Variants in CD163L1 observed in about 807,000 individuals in gnomAD.
CD163L1 encodes the protein scavenger receptor cysteine-rich type 1 protein M160.
In CD163L1, 124 loss-of-function variants were observed where a neutral mutation model predicts 165.4. That is an observed-to-expected ratio of 0.75 (90% CI 0.65 to 0.87). The LOEUF (loss-of-function observed/expected upper bound fraction) is 0.87, where lower values mean the gene tolerates loss of function less well. Among genes scored for constraint, CD163L1 ranks in the 40% least tolerant of loss-of-function variants. The probability of loss-of-function intolerance (pLI) is 0.00; values close to 1 mark genes in which losing one functional copy is unlikely to be tolerated. For missense variants in CD163L1, 1,525 were observed against 1,799.9 expected, an observed-to-expected ratio of 0.85 and a Z score of 2.76; for synonymous variants, 585 against 662.2, an observed-to-expected ratio of 0.88 and a Z score of 1.79.
chr12:7,318,810 C>T, the CD163L1 span, among the ~76,000 whole-genome samples: 3 of 152,246 alleles, frequency 2.0e-5, no homozygotes, highest in Non-Finnish European at 4.4e-5. Context: ...TAACAAAATA[C>T]ATATTATTAC....
chr12:7,440,247 C>G (rs1385406861), intron 2 of CD163L1, among the ~76,000 whole-genome samples: 1 of 151,978 alleles, frequency 6.6e-6, no homozygotes, highest in Non-Finnish European at 1.5e-5. Context: ...GCCCTGGAGG[C>G]GGCCCCGCGA....
intron 4 of CD163L1, among the ~76,000 whole-genome samples, chr12:7,421,377 A>C (rs1168621618): frequency 2.0e-5 from 2 of 99,378 alleles, no homozygotes; most frequent in South Asian, 3.6e-4. Context: ...GTATATATAC[A>C]TTTGGAAGAT....
the CD163L1 span, among the ~76,000 whole-genome samples, chr12:7,339,799 T>C: frequency 6.6e-6 from 1 of 152,170 alleles, no homozygotes; most frequent in Admixed American, 6.6e-5. Context: ...GCCTCTTATG[T>C]GACTCAGTGA....
intron 4 of CD163L1, among the ~76,000 whole-genome samples, chr12:7,421,009 A>G (rs1328001365): frequency 1.9e-5 from 2 of 106,078 alleles, no homozygotes; most frequent in Non-Finnish European, 3.5e-5. Flanking sequence ...ATATATATAT[A>G]CGTGTATATA....
chr12:7,337,310 T>C, the CD163L1 span, among the ~76,000 whole-genome samples: 1 of 152,154 alleles, frequency 6.6e-6, no homozygotes, highest in East Asian at 1.9e-4. Flanking sequence ...AAAGCCAAAA[T>C]TGACAAATGG....
At chr12:7,339,323 ACT>A in the CD163L1 span, among the ~76,000 whole-genome samples, 3 of 152,146 alleles carry the variant, frequency 2.0e-5, no homozygotes, top group Non-Finnish European at 4.4e-5. Context: ...GATATGGGAC[ACT>A]GTTTGGAATC....
chr12:7,440,120 C>T, intron 2 of CD163L1: 1 of 747,468 alleles, frequency 1.3e-6, no homozygotes, highest in East Asian at 2.7e-5. Flanking sequence ...CTTGGACCCG[C>T]CGCGCCAGCG....
In CD163L1 at chr12:7,417,825, T is replaced by A. The variant is rs143305435; in HGVS notation, c.767-10973A>T. ...TGGATTTAGTTTGCCGGTATTTTAT[T>A]GAGGATTTTCACATCGATGTTCATC... On this transcript the variant is annotated intron_variant, in intron 4 of 19. Coordinates refer to ENST00000313599, the MANE Select transcript of CD163L1 (RefSeq NM_174941.6). 8.0e-3 allele frequency among the ~76,000 whole-genome samples: 1,221 copies of A among 152,220 alleles called. 14 individuals carry two copies. The highest frequency in any genetic ancestry group is 0.028 in the African/African-American group (1,148 of 41,538).
rs534073947 is a variant in CD163L1 at position 7,364,357 on chromosome 12, C to T, written c.4279+2879G>A. Among the ~76,000 whole-genome samples, 16 of 151,918 alleles carry T rather than the reference C, an allele frequency of 1.1e-4. 1 individual carries two copies. Among genetic ancestry groups the T allele is most frequent in the Admixed American group, 2.0e-4 (3 of 15,242 alleles). On this transcript the variant is annotated intron_variant, in intron 18 of 19. Transcript: ENST00000313599. ...ATACTAAATGGGGAAAAATAGAAAA[C>T]ATTTCCTGCAAAATGTGCAACAAGG...
the CD163L1 span, chr12:7,323,277 G>T: frequency 1.2e-5 from 20 of 1,611,418 alleles, no homozygotes; most frequent in Non-Finnish European, 1.5e-5. Flanking sequence ...ATTAAACCAG[G>T]TTCAATGGGG....
chr12:7,412,817 C>T (rs1948161967), intron 4 of CD163L1, among the ~76,000 whole-genome samples: 1 of 152,022 alleles, frequency 6.6e-6, no homozygotes, highest in Admixed American at 6.6e-5. Flanking sequence ...AAGCACCTGG[C>T]CGGGCGCAGT....
chr12:7,429,387 T>A (rs990108844), intron 4 of CD163L1, among the ~76,000 whole-genome samples: 1 of 152,070 alleles, frequency 6.6e-6, no homozygotes, highest in Admixed American at 6.6e-5. Context: ...CAAGATTTTA[T>A]CAATTGCAAA....
Position 7,439,612 on chromosome 12 carries a change from G to A in CD163L1, c.124+1542C>T, listed in dbSNP as rs189769125. On this transcript the variant is annotated intron_variant, in intron 2 of 19. Coordinates refer to ENST00000313599, the MANE Select transcript of CD163L1 (RefSeq NM_174941.6). ...CGCCTCAAATATGTCGTTATTTAAG[G>A]ATAGTCTCTGAATATCCTTCCTGAC... 119 of 1,602,928 alleles carry A rather than the reference G, an allele frequency of 7.4e-5. No individual in the cohort carries two copies. The Admixed American group carries it at 1.9e-3, about 26-fold the overall frequency.
intron 5 of CD163L1, among the ~76,000 whole-genome samples, chr12:7,405,963 C>T (rs370644615): frequency 6.6e-5 from 10 of 152,076 alleles, no homozygotes; most frequent in South Asian, 2.1e-4. Flanking sequence ...AAATAAACAG[C>T]GAGGGGTAAC....
In CD163L1 at chr12:7,432,979, A is replaced by T. The variant is rs963159055; in HGVS notation, c.446-243T>A. Among the ~76,000 whole-genome samples the T allele has an allele frequency of 6.6e-6, 1 of 152,200 alleles. No individual in the cohort carries two copies. Among genetic ancestry groups the T allele is most frequent in the Non-Finnish European group, 1.5e-5 (1 of 68,032 alleles). ...TGATATTCTTTATCATTTTGCTTTA[A>T]TTTTATACCTCATTTTTCAGAAAAT... On this transcript the variant is annotated intron_variant, in intron 3 of 19. Coordinates refer to ENST00000313599, the MANE Select transcript of CD163L1 (RefSeq NM_174941.6). This position sits in a 1 kb window ranked among gnomAD's most constrained non-coding sequence, Gnocchi z 4.2.
chr12:7,330,659 A>G, the CD163L1 span, among the ~76,000 whole-genome samples: 1 of 152,214 alleles, frequency 6.6e-6, no homozygotes, highest in Admixed American at 6.5e-5. Context: ...GTCATACACT[A>G]GCACTGGGAA....
intron 2 of CD163L1, among the ~76,000 whole-genome samples, chr12:7,433,904 T>G (rs1246832122): frequency 6.6e-6 from 1 of 152,212 alleles, no homozygotes; most frequent in African/African-American, 2.4e-5. Flanking sequence ...TAGTTTTGCT[T>G]TGCATTGTAA....
chr12:7,326,266 A>G, the CD163L1 span, among the ~76,000 whole-genome samples: 1 of 152,120 alleles, frequency 6.6e-6, no homozygotes, highest in South Asian at 2.1e-4. Flanking sequence ...GCCGTGGTGC[A>G]GTTATAGCTC....
intron 8 of CD163L1, among the ~76,000 whole-genome samples, chr12:7,390,767 T>A (rs373894401): frequency 7.9e-5 from 12 of 152,322 alleles, no homozygotes; most frequent in Non-Finnish European, 1.5e-4. Flanking sequence ...GACTAAGGAA[T>A]AAATATGTTG....
Sources: gnomAD v4.1 joint callset for allele counts (sites outside exome capture counted in the v4.1 genomes callset) on GRCh38, gnomAD v4.1.1 for gene constraint, Gnocchi (gnomAD v3.1) non-coding constraint, MANE v1.5 for transcripts, NCBI Gene and HGNC (gene_info 2026-07-23, HGNC 2026-07-21) for gene names.